The following TTC28 variants were observed in gnomAD, a reference collection of about 807,000 sequenced individuals.
TTC28 encodes tetratricopeptide repeat domain 28.
In TTC28, 61 loss-of-function variants were observed where a neutral mutation model predicts 198.0. The ratio of observed to expected loss-of-function variants is 0.31; its 90% CI spans 0.25 to 0.38. TTC28 has a LOEUF of 0.38. Ranked by LOEUF, TTC28 falls within the 10% of genes least tolerant of loss-of-function variation. The pLI is 1.00. For synonymous variants in TTC28, 1,171 were observed against 1,297.8 expected (o/e 0.90, Z 2.10); for missense variants, 2,678 against 3,164.0 (o/e 0.85, Z 3.69).
At chr22:28,204,522 T>C (rs1459376600) in intron 5 of TTC28, among the ~76,000 whole-genome samples, 2 of 152,122 alleles carry the variant, frequency 1.3e-5, no homozygotes, top group Non-Finnish European at 2.9e-5. Context: ...TCCAGCTCCA[T>C]CTAACTCTGA....
In TTC28 at chr22:28,275,246, A is replaced by C. The variant is rs1932347376; in HGVS notation, c.933+20952T>G. Among the ~76,000 whole-genome samples, 4 of 152,216 alleles carry C rather than the reference A, an allele frequency of 2.6e-5. No homozygotes were observed. The South Asian group carries it at 8.3e-4, about 32-fold the overall frequency. On this transcript the variant is annotated intron_variant, in intron 5 of 22. Coordinates refer to ENST00000397906, the MANE Select transcript of TTC28 (RefSeq NM_001145418.2). Reference sequence around the variant, plus strand: ...CCATCAGTCTGGTAAAAGCTTTGGCAAAGATTTTTCCAACTTCATGCATGT... The same window carrying C: ...CCATCAGTCTGGTAAAAGCTTTGGCCAAGATTTTTCCAACTTCATGCATGT...
At chr22:28,598,509 C>CAA (rs36035176) in intron 2 of TTC28, among the ~76,000 whole-genome samples, 3,131 of 51,800 alleles carry the variant, frequency 0.06, 200 homozygotes, top group Non-Finnish European at 0.073. Flanking sequence ...ACTACGTCTC[C>CAA]AAAAAAAAAA....
Position 28,657,620 on chromosome 22 carries a change from T to C in TTC28, c.102+22002A>G, listed in dbSNP as rs532750500. Among the ~76,000 whole-genome samples, 6 of 152,360 alleles carry C rather than the reference T, an allele frequency of 3.9e-5. No homozygotes were observed. The South Asian group carries it at 8.3e-4, about 21-fold the overall frequency. On this transcript the variant is annotated intron_variant, in intron 1 of 22. Coordinates refer to ENST00000397906, the MANE Select transcript of TTC28 (RefSeq NM_001145418.2). The stretch of plus-strand genomic sequence containing the variant: ...TGGGCTGGGCGTGGTGGCTCACGCC[T>C]ATAATCCCAATGCTTTGGGAGGCCA...
At chr22:28,510,530 T>C (rs1338417490) in intron 2 of TTC28, among the ~76,000 whole-genome samples, 6 of 152,040 alleles carry the variant, frequency 3.9e-5, no homozygotes, top group Non-Finnish European at 8.8e-5. Context: ...AAAATAGTAA[T>C]AGCCATCTAT....
chr22:28,260,755 A>T (rs1321438343), intron 5 of TTC28, among the ~76,000 whole-genome samples: 1 of 152,168 alleles, frequency 6.6e-6, no homozygotes, highest in African/African-American at 2.4e-5. Flanking sequence ...CTAAAGAATG[A>T]TAGGCCAGTG....
At chr22:28,395,489 G>A (rs1463446897) in intron 2 of TTC28, among the ~76,000 whole-genome samples, 2 of 151,998 alleles carry the variant, frequency 1.3e-5, no homozygotes, top group Non-Finnish European at 2.9e-5. Flanking sequence ...AAAATTAGAT[G>A]GGAGTGGTGG....
intron 2 of TTC28, among the ~76,000 whole-genome samples, chr22:28,400,308 G>A (rs1198137154): frequency 6.6e-6 from 1 of 152,160 alleles, no homozygotes; most frequent in African/African-American, 2.4e-5. Context: ...TTGCCAGTGT[G>A]TACGGCTCCA....
chr22:28,465,769 G>T (rs2048011219), intron 2 of TTC28, among the ~76,000 whole-genome samples: 1 of 152,084 alleles, frequency 6.6e-6, no homozygotes, highest in South Asian at 2.1e-4. Context: ...AGGAATCAAA[G>T]GTTGATATGC....
At chr22:28,175,506 T>C (rs997921629) in intron 5 of TTC28, among the ~76,000 whole-genome samples, 2 of 151,508 alleles carry the variant, frequency 1.3e-5, no homozygotes, top group African/African-American at 2.4e-5. Flanking sequence ...CCGAGGCGGG[T>C]GGATGCCCTG....
chr22:28,020,645 C>G (rs1938553457), intron 13 of TTC28, among the ~76,000 whole-genome samples: 1 of 152,206 alleles, frequency 6.6e-6, no homozygotes, highest in African/African-American at 2.4e-5. Flanking sequence ...TTTGGGCAGT[C>G]TGTGCTGCAG....
chr22:28,444,132 A>C (rs984340222), intron 2 of TTC28, among the ~76,000 whole-genome samples: 2 of 152,346 alleles, frequency 1.3e-5, no homozygotes, highest in East Asian at 1.9e-4. Flanking sequence ...ATACATCTAC[A>C]AATATAAAAA....
At chr22:28,171,006 G>A (rs1358353053) in intron 5 of TTC28, among the ~76,000 whole-genome samples, 1 of 134,098 alleles carries the variant, frequency 7.5e-6, no homozygotes, top group Non-Finnish European at 1.6e-5. Flanking sequence ...TTCTTATTTT[G>A]GCCAAGGAAA....
chr22:28,525,670 G>A (rs2048992024), intron 2 of TTC28, among the ~76,000 whole-genome samples: 1 of 152,092 alleles, frequency 6.6e-6, no homozygotes, highest in South Asian at 2.1e-4. Flanking sequence ...TAGGACATAA[G>A]TACTACAAAA....
intron 5 of TTC28, among the ~76,000 whole-genome samples, chr22:28,227,922 T>C (rs933403397): frequency 2.6e-5 from 4 of 152,166 alleles, no homozygotes; most frequent in African/African-American, 7.2e-5. Context: ...CACGTCCATG[T>C]TTATAGCAGC....
intron 2 of TTC28, among the ~76,000 whole-genome samples, chr22:28,351,380 A>C (rs2045993651): frequency 6.6e-6 from 1 of 152,190 alleles, no homozygotes; most frequent in South Asian, 2.1e-4. Flanking sequence ...AACAAAAAGA[A>C]GATCATATCT....
intron 2 of TTC28, among the ~76,000 whole-genome samples, chr22:28,375,431 T>A (rs1447421313): frequency 1.3e-5 from 2 of 152,224 alleles, no homozygotes; most frequent in Non-Finnish European, 2.9e-5. Context: ...CAGACTGTGC[T>A]CCTAATTACT....
intron 6 of TTC28, among the ~76,000 whole-genome samples, chr22:28,161,798 A>C: frequency 7.1e-6 from 1 of 140,564 alleles, no homozygotes; most frequent in African/African-American, 2.6e-5. Flanking sequence ...GGAAGGGAGG[A>C]AGGGAGGGAG....
intron 5 of TTC28, among the ~76,000 whole-genome samples, chr22:28,213,809 C>A (rs971127335): frequency 1.3e-5 from 2 of 152,044 alleles, no homozygotes; most frequent in Non-Finnish European, 2.9e-5. Context: ...CAAAAAAGAG[C>A]CCGCATTGCC....
chr22:28,319,588 T>C (rs906983115), intron 2 of TTC28, among the ~76,000 whole-genome samples: 1 of 152,210 alleles, frequency 6.6e-6, no homozygotes, highest in African/African-American at 2.4e-5. Context: ...GACAGGAGTA[T>C]ATGGAAACTC....
Sources: gnomAD v4.1 joint callset for allele counts (sites outside exome capture counted in the v4.1 genomes callset) on GRCh38, gnomAD v4.1.1 for gene constraint, MANE v1.5 for transcripts, NCBI Gene and HGNC (gene_info 2026-07-23, HGNC 2026-07-21) for gene names.